RALGPS1: variants seen among roughly 807,000 people sequenced by gnomAD.
The protein encoded by RALGPS1 is ras-specific guanine nucleotide-releasing factor RalGPS1.
A neutral mutation model predicts 78.8 loss-of-function variants in RALGPS1; 19 were observed. The observed-to-expected ratio is 0.24, with a 90% CI of 0.17 to 0.35. RALGPS1 has a LOEUF of 0.35. Ranked by LOEUF, RALGPS1 falls within the 10% of genes least tolerant of loss-of-function variation. RALGPS1 has a pLI of 1.00. For synonymous variants in RALGPS1, 228 were observed against 256.3 expected (o/e 0.89, Z 1.06); for missense variants, 454 against 688.3 (o/e 0.66, Z 3.81).
In RALGPS1 at chr9:127,212,030, G is replaced by A; in HGVS notation, c.1248-101G>A. ...GCCGTTAAGTCTGGACTGCTGGGAT[G>A]TCATGGACTTGGTAGTGGGGCACCT... On this transcript the variant is annotated intron_variant, in intron 14 of 18. Coordinates refer to ENST00000259351, the MANE Select transcript of RALGPS1 (RefSeq NM_014636.3). The surrounding 1 kb of genome is among the most constrained non-coding windows in gnomAD (Gnocchi z 6.0). 3.3e-6 allele frequency: 3 copies of A among 904,884 alleles called. No individual in the cohort carries two copies. Among genetic ancestry groups the A allele is most frequent in the Non-Finnish European group, 5.0e-6 (3 of 600,160 alleles). 56.1% of individuals were successfully genotyped at this position (904,884 alleles called of 1,614,324 possible). A position where few individuals can be genotyped will look rare whatever the true frequency, so the allele number is the denominator to read the frequency against.
At chr9:127,096,570 G>T (rs2053164058) in intron 8 of RALGPS1, among the ~76,000 whole-genome samples, 1 of 152,214 alleles carries the variant, frequency 6.6e-6, no homozygotes, top group South Asian at 2.1e-4. Context: ...TCCAGCTGGG[G>T]CTGCCTTTGT....
chr9:127,001,611 C>T (rs1306836645), intron 4 of RALGPS1, among the ~76,000 whole-genome samples: 1 of 152,074 alleles, frequency 6.6e-6, no homozygotes, highest in Non-Finnish European at 1.5e-5. Context: ...TCGGGCTGGG[C>T]GCGGTGGCTC....
intron 7 of RALGPS1, among the ~76,000 whole-genome samples, chr9:127,064,195 T>C (rs1259582328): frequency 1.3e-5 from 2 of 152,228 alleles, no homozygotes; most frequent in East Asian, 3.8e-4. Context: ...TCTCTTTTCT[T>C]GAACAAGAAT....
chr9:127,030,026 G>A (rs924387414), intron 4 of RALGPS1, among the ~76,000 whole-genome samples: 3 of 152,188 alleles, frequency 2.0e-5, no homozygotes, highest in Admixed American at 6.5e-5. Flanking sequence ...CAGTGTCTTT[G>A]TGATAAACAT....
At chr9:127,066,415 C>T (rs376013747) in intron 7 of RALGPS1, among the ~76,000 whole-genome samples, 21 of 152,152 alleles carry the variant, frequency 1.4e-4, no homozygotes, top group African/African-American at 4.1e-4. Flanking sequence ...CCAAGGCTGG[C>T]GGATCAGCTG....
At position 127,218,648 on chromosome 9, in the gene RALGPS1, G is replaced by A. The variant is rs767393733; in HGVS notation, c.1645-92G>A. The stretch of plus-strand genomic sequence containing the variant: ...CCAACCTGCTCATTCCCAGACTCAC[G>A]GGGAAAGGCCTGTCCCTTCCCCTAG... On this transcript the variant is annotated intron_variant, in intron 18 of 18. Coordinates refer to ENST00000259351, the MANE Select transcript of RALGPS1 (RefSeq NM_014636.3). This position sits in a 1 kb window ranked among gnomAD's most constrained non-coding sequence, Gnocchi z 4.4. 72 of 1,361,778 alleles carry A rather than the reference G, an allele frequency of 5.3e-5. No homozygotes were observed. The highest frequency in any genetic ancestry group is 2.2e-4 in the South Asian group (19 of 85,838). The allele number at this position is 1,361,778 out of a possible 1,614,324, so 84.4% of individuals were successfully genotyped here. A position where few individuals can be genotyped will look rare whatever the true frequency, so the allele number is the denominator to read the frequency against.
chr9:127,053,304 G>A (rs984553609), intron 7 of RALGPS1, among the ~76,000 whole-genome samples: 2 of 152,108 alleles, frequency 1.3e-5, no homozygotes, highest in Admixed American at 1.3e-4. Flanking sequence ...CTGATGGTTC[G>A]CAGCTGCCCT....
chr9:126,997,151 C>T (rs1329150734), intron 4 of RALGPS1, among the ~76,000 whole-genome samples: 1 of 152,200 alleles, frequency 6.6e-6, no homozygotes, highest in African/African-American at 2.4e-5. Context: ...CTCACCACTC[C>T]TATTCAACAT....
At chr9:126,926,950 T>C (rs1202889310) in intron 1 of RALGPS1, among the ~76,000 whole-genome samples, 1 of 151,932 alleles carries the variant, frequency 6.6e-6, no homozygotes, top group Admixed American at 6.6e-5. Flanking sequence ...ACTGGGTTGG[T>C]AGGAGGAAGG....
chr9:126,931,288 T>G (rs964335445), intron 1 of RALGPS1, among the ~76,000 whole-genome samples: 6 of 152,154 alleles, frequency 3.9e-5, no homozygotes, highest in Non-Finnish European at 8.8e-5. Context: ...TGTGTCTACC[T>G]AAAAGAAGAG....
chr9:127,001,310 C>A (rs552905404), intron 4 of RALGPS1, among the ~76,000 whole-genome samples: 1 of 150,728 alleles, frequency 6.6e-6, no homozygotes, highest in South Asian at 2.1e-4. Context: ...AAAGTAAGTT[C>A]ACACTATTTT....
At chr9:127,034,393 A>G (rs2046682790) in intron 4 of RALGPS1, 38 bp from the exon 5 acceptor site, 1 of 1,579,814 alleles carries the variant, frequency 6.3e-7, no homozygotes, top group Non-Finnish European at 8.7e-7. Flanking sequence ...TTGCATCCCA[A>G]CTAGAATCAC....
chr9:127,021,216 TGCCG>T (rs1009462150), intron 4 of RALGPS1, among the ~76,000 whole-genome samples: 1 of 152,094 alleles, frequency 6.6e-6, no homozygotes, highest in African/African-American at 2.4e-5. Context: ...AATAAGACCC[TGCCG>T]GCCAGGCTTG....
intron 11 of RALGPS1, among the ~76,000 whole-genome samples, chr9:127,177,466 C>T (rs2139999105): frequency 6.6e-6 from 1 of 152,326 alleles, no homozygotes; most frequent in South Asian, 2.1e-4. Flanking sequence ...CCCCTCCAGG[C>T]ATCTATGTGA....
chr9:127,137,071 T>C (rs988264972), intron 8 of RALGPS1, among the ~76,000 whole-genome samples: 3 of 152,172 alleles, frequency 2.0e-5, no homozygotes, highest in African/African-American at 7.2e-5. Context: ...TTAATAGGAA[T>C]TGAGTTTGAC....
At chr9:127,047,156 T>C (rs976384277) in intron 5 of RALGPS1, among the ~76,000 whole-genome samples, 3 of 152,212 alleles carry the variant, frequency 2.0e-5, no homozygotes, top group Non-Finnish European at 2.9e-5. Flanking sequence ...TACATGAATT[T>C]ATCTGAGGAC....
Position 127,069,168 on chromosome 9 carries a change from A to T in RALGPS1, c.484-62A>T. ...ATTTTCCCTTTTAGTCTTCATCCAC[A>T]GTTATCCACTCTTTAGCTTCTTCTG... On this transcript the variant is annotated intron_variant, in intron 7 of 18. Coordinates refer to ENST00000259351, the MANE Select transcript of RALGPS1 (RefSeq NM_014636.3). The T allele has an allele frequency of 3.5e-6, 5 of 1,448,208 alleles. No individual in the cohort carries two copies. In the South Asian group the frequency reaches 6.1e-5, roughly 18 times the overall value. The allele number at this position is 1,448,208 out of a possible 1,614,324, so 89.7% of individuals were successfully genotyped here.
intron 11 of RALGPS1, chr9:127,184,180 C>A: frequency 1.1e-6 from 1 of 882,466 alleles, no homozygotes; most frequent in Non-Finnish European, 1.7e-6. Context: ...TATAAATGAT[C>A]TGGGCATGGT....
rs145545893 is a variant in RALGPS1 at position 127,181,492 on chromosome 9, A to G, written c.910+6710A>G. Among the ~76,000 whole-genome samples, 81 of 152,362 alleles carry G rather than the reference A, an allele frequency of 5.3e-4. 2 individuals are homozygous for G. Among genetic ancestry groups the G allele is most frequent in the South Asian group, 1.2e-3 (6 of 4,828 alleles). Reference sequence around the variant, plus strand: ...ACAGCCTCTGAGGCTCTGTCCCCACAGCTCCATATATCCGTATAGTGCAAG... The same window carrying G: ...ACAGCCTCTGAGGCTCTGTCCCCACGGCTCCATATATCCGTATAGTGCAAG... On this transcript the variant is annotated intron_variant, in intron 11 of 18. Transcript: ENST00000259351.
Sources: allele counts gnomAD v4.1 joint callset (sites outside exome capture counted in the v4.1 genomes callset), GRCh38; gene constraint gnomAD v4.1.1; non-coding constraint Gnocchi (gnomAD v3.1); transcripts MANE v1.5; gene names NCBI Gene and HGNC (gene_info 2026-07-23, HGNC 2026-07-21).